The following USP12 variants were observed in gnomAD, a reference collection of about 807,000 sequenced individuals.
The protein encoded by USP12 is ubiquitin carboxyl-terminal hydrolase 12.
Under a neutral mutation model 45.5 loss-of-function variants are expected in USP12, and 19 were observed. The observed-to-expected ratio is 0.42, with a 90% CI of 0.29 to 0.61. The LOEUF is 0.61. USP12 is among the 20% of genes least tolerant of loss of function. The pLI, the probability that USP12 is intolerant of heterozygous loss-of-function variation, is 0.22. For synonymous variants in USP12, 149 were observed against 148.8 expected, an observed-to-expected ratio of 1.00 and a Z score of -0.01; for missense variants, 242 against 447.7, an observed-to-expected ratio of 0.54 and a Z score of 4.15.
rs1050833501 is a variant in USP12, at chr13:27,157,354, A to T, written c.48+14238T>A. Among the ~76,000 whole-genome samples the T allele has an allele frequency of 1.4e-4, 22 of 152,350 alleles. 1 individual carries two copies. The highest frequency in any genetic ancestry group is 3.9e-4 in the Admixed American group (6 of 15,306). ...AAGAGGTGTATATAATCCCGTCATT[A>T]TATAGAGGTGTACATAATTCCCCGT... On this transcript the variant is annotated intron_variant, in intron 1 of 8. Transcript: ENST00000282344.
chr13:27,165,056 T>TGTGC (rs1878291037), intron 1 of USP12, among the ~76,000 whole-genome samples: 1 of 27,732 alleles, frequency 3.6e-5, no homozygotes, highest in South Asian at 3.2e-3. Context: ...GCTGGTGTGC[T>TGTGC]TTTTTTTTTT....
At chr13:27,077,536 T>G (rs898456720) in intron 6 of USP12, 9 of 152,098 alleles carry the variant, frequency 5.9e-5, no homozygotes, top group Non-Finnish European at 1.0e-4. Flanking sequence ...AGAATATGAA[T>G]CCTATTTGCC....
Position 27,157,525 on chromosome 13 carries a change from G to A in USP12, c.48+14067C>T, listed in dbSNP as rs866658682. On this transcript the variant is annotated intron_variant, in intron 1 of 8. Coordinates refer to ENST00000282344, the MANE Select transcript of USP12 (RefSeq NM_182488.4). The stretch of plus-strand genomic sequence containing the variant: ...ATGTGATTTTTAACAACATATACAT[G>A]CCTTTTTTTAAAAAAAATATAAGTT... 2.0e-5 allele frequency among the ~76,000 whole-genome samples: 3 copies of A among 151,924 alleles called. No homozygotes were observed. The Middle Eastern group carries it at 0.01, about 517-fold the overall frequency.
chr13:27,082,435 T>C (rs1225887054), intron 6 of USP12, among the ~76,000 whole-genome samples: 5 of 152,244 alleles, frequency 3.3e-5, no homozygotes, highest in South Asian at 2.1e-4. Flanking sequence ...TGTGGCTAGT[T>C]TGATCTTCTA....
intron 1 of USP12, among the ~76,000 whole-genome samples, chr13:27,152,724 C>T (rs1235505302): frequency 1.3e-5 from 2 of 151,830 alleles, no homozygotes; most frequent in Non-Finnish European, 1.5e-5. Context: ...GGGTGGATCA[C>T]GAGGTCAGGA....
intron 1 of USP12, among the ~76,000 whole-genome samples, chr13:27,147,532 A>G (rs1253083621): frequency 6.6e-6 from 1 of 152,220 alleles, no homozygotes; most frequent in Non-Finnish European, 1.5e-5. Context: ...ATTTAAGAAT[A>G]TATGTCATGT....
At chr13:27,094,743 C>CAAA (rs372387717) in intron 4 of USP12, among the ~76,000 whole-genome samples, 1 of 140,756 alleles carries the variant, frequency 7.1e-6, no homozygotes, top group African/African-American at 2.6e-5. Flanking sequence ...GGCATATTCT[C>CAAA]AAAAAAAAAA....
intron 1 of USP12, among the ~76,000 whole-genome samples, chr13:27,164,387 T>C (rs770439279): frequency 3.3e-5 from 5 of 152,214 alleles, no homozygotes; most frequent in Non-Finnish European, 7.3e-5. Context: ...AAAGCAAGCT[T>C]ACACATCTCT....
At chr13:27,163,768 T>TAAAAAAAAAAAAAAAA (rs34384911) in intron 1 of USP12, among the ~76,000 whole-genome samples, 32 of 83,186 alleles carry the variant, frequency 3.8e-4, no homozygotes, top group Non-Finnish European at 6.3e-4. Context: ...AGACCTGTCT[T>TAAAAAAAAAAAAAAAA]AAAAAAAAAA....
chr13:27,146,646 G>C (rs1365419832), intron 1 of USP12, among the ~76,000 whole-genome samples: 1 of 152,132 alleles, frequency 6.6e-6, no homozygotes, highest in African/African-American at 2.4e-5. Flanking sequence ...TGAACCAATT[G>C]CTACTCCCCT....
chr13:27,123,977 A>C (rs542836414), intron 1 of USP12, among the ~76,000 whole-genome samples: 22 of 152,324 alleles, frequency 1.4e-4, no homozygotes, highest in African/African-American at 5.3e-4. Context: ...TGAAATTACA[A>C]AGATACCTTT....
intron 1 of USP12, among the ~76,000 whole-genome samples, chr13:27,170,572 G>C (rs1159367357): frequency 6.6e-6 from 1 of 152,214 alleles, no homozygotes; most frequent in East Asian, 1.9e-4. Context: ...TCATCATGTG[G>C]AAAACTGTGG....
rs561214725 is a variant in USP12 at position 27,130,932 on chromosome 13, C to T, written c.49-14336G>A. The stretch of plus-strand genomic sequence containing the variant: ...ACCACTTTGCTTCAGCAAGCCGTGA[C>T]GCTTAAAAACAAGGGTGTCAGAAAA... On this transcript the variant is annotated intron_variant, in intron 1 of 8. Transcript: ENST00000282344. Among the ~76,000 whole-genome samples, 6 of 152,218 alleles carry T rather than the reference C, an allele frequency of 3.9e-5. 1 individual carries two copies. The highest frequency in any genetic ancestry group is 1.3e-4 in the Admixed American group (2 of 15,290).
chr13:27,145,045 C>A (rs564054293), intron 1 of USP12, among the ~76,000 whole-genome samples: 64 of 152,298 alleles, frequency 4.2e-4, no homozygotes, highest in Non-Finnish European at 6.3e-4. Flanking sequence ...CCAGCCTGGG[C>A]TGGACCCTGC....
In USP12 at chr13:27,157,534, T is replaced by A. The variant is rs182040787; in HGVS notation, c.48+14058A>T. On this transcript the variant is annotated intron_variant, in intron 1 of 8. Coordinates refer to ENST00000282344, the MANE Select transcript of USP12 (RefSeq NM_182488.4). ...TTAACAACATATACATGCCTTTTTT[T>A]AAAAAAAATATAAGTTTATAGAAGA... 4.4e-3 allele frequency among the ~76,000 whole-genome samples: 663 copies of A among 152,086 alleles called. 5 individuals carry two copies. The highest frequency in any genetic ancestry group is 0.015 in the African/African-American group (604 of 41,500).
chr13:27,140,221 T>A (rs911509225), intron 1 of USP12, among the ~76,000 whole-genome samples: 1 of 152,186 alleles, frequency 6.6e-6, no homozygotes, highest in Non-Finnish European at 1.5e-5. Flanking sequence ...GCAAAGATGT[T>A]GTGTAGTGAC....
At chr13:27,076,866 T>C (rs1873513327) in intron 6 of USP12, among the ~76,000 whole-genome samples, 1 of 152,202 alleles carries the variant, frequency 6.6e-6, no homozygotes, top group African/African-American at 2.4e-5. Context: ...TTTGGAAACA[T>C]TAGCCAAAGT....
intron 3 of USP12, among the ~76,000 whole-genome samples, chr13:27,098,622 T>C (rs1295002283): frequency 6.6e-6 from 1 of 152,208 alleles, no homozygotes; most frequent in Non-Finnish European, 1.5e-5. Flanking sequence ...TAAACTGGTA[T>C]GGCACGTTGT....
chr13:27,109,915 A>AAAAT (rs1875345915), intron 2 of USP12, among the ~76,000 whole-genome samples: 1 of 150,980 alleles, frequency 6.6e-6, no homozygotes, highest in African/African-American at 2.4e-5. Context: ...CTGTCTCCAA[A>AAAAT]AAAAAAAAAA....
Sources: allele counts gnomAD v4.1 joint callset (sites outside exome capture counted in the v4.1 genomes callset), GRCh38; gene constraint gnomAD v4.1.1; transcripts MANE v1.5; gene names NCBI Gene and HGNC (gene_info 2026-07-23, HGNC 2026-07-21).